The following NCALD variants were observed in gnomAD, a reference collection of about 807,000 sequenced individuals.
NCALD encodes neurocalcin-delta.
NCALD carries 10 observed loss-of-function variants against 18.6 expected under a neutral mutation model. That is an observed-to-expected ratio of 0.54 (90% CI 0.33 to 0.91). The LOEUF (loss-of-function observed/expected upper bound fraction) is 0.91, where lower values mean the gene tolerates loss of function less well. NCALD is among the 40% of genes least tolerant of loss of function. The pLI, the probability that NCALD is intolerant of heterozygous loss-of-function variation, is 0.03. For missense variants in NCALD, 184 were observed against 247.6 expected (o/e 0.74, Z 1.72); for synonymous variants, 88 against 87.4 (o/e 1.01, Z -0.04).
chr8:101,853,094 C>A (rs754762988), intron 4 of NCALD, among the ~76,000 whole-genome samples: 4 of 152,160 alleles, frequency 2.6e-5, no homozygotes, highest in Non-Finnish European at 4.4e-5. Flanking sequence ...CATTTCACTT[C>A]TCTTTGCTTC....
At chr8:101,738,024 T>C (rs569606726) in intron 1 of NCALD, among the ~76,000 whole-genome samples, 2 of 152,226 alleles carry the variant, frequency 1.3e-5, no homozygotes, top group Non-Finnish European at 2.9e-5. Context: ...TTGGTAATAA[T>C]GAAAGATCGT....
intron 1 of NCALD, among the ~76,000 whole-genome samples, chr8:102,073,384 G>A (rs610125): frequency 0.85 from 128,911 of 152,150 alleles, 55,280 homozygotes; most frequent in African/African-American, 0.97. Context: ...AATAAATCTC[G>A]TCTTTAAAAT....
intron 1 of NCALD, among the ~76,000 whole-genome samples, chr8:102,070,460 C>T (rs1171712636): frequency 6.6e-6 from 1 of 151,984 alleles, no homozygotes. Context: ...CATATCTATT[C>T]AACAGCAAAA....
At chr8:101,865,339 T>G (rs1254019503) in intron 4 of NCALD, among the ~76,000 whole-genome samples, 2 of 152,198 alleles carry the variant, frequency 1.3e-5, no homozygotes, top group Non-Finnish European at 2.9e-5. Flanking sequence ...GAGTTTGTGT[T>G]TAGGAGGACT....
chr8:102,047,710 T>G (rs1417450014), intron 1 of NCALD, among the ~76,000 whole-genome samples: 3 of 152,244 alleles, frequency 2.0e-5, no homozygotes. Context: ...AAGCCTTTTT[T>G]ATACACTTTA....
intron 1 of NCALD, among the ~76,000 whole-genome samples, chr8:101,748,996 A>T (rs998799197): frequency 6.6e-6 from 1 of 152,158 alleles, no homozygotes; most frequent in Admixed American, 6.5e-5. Context: ...GCATGTGTGC[A>T]TGCGCGGTAT....
intron 4 of NCALD, among the ~76,000 whole-genome samples, chr8:101,834,203 G>C (rs1376948763): frequency 6.6e-6 from 1 of 152,216 alleles, no homozygotes. Flanking sequence ...TGTGAAATGT[G>C]TGCAAGGTAC....
At chr8:101,828,462 C>T (rs1184073352) in intron 4 of NCALD, among the ~76,000 whole-genome samples, 2 of 152,144 alleles carry the variant, frequency 1.3e-5, no homozygotes, top group East Asian at 3.9e-4. Flanking sequence ...GCAGTTCTCA[C>T]TCTCTCACCT....
intron 1 of NCALD, among the ~76,000 whole-genome samples, chr8:101,738,585 G>A (rs1292462727): frequency 3.4e-5 from 5 of 147,486 alleles, no homozygotes; most frequent in Admixed American, 6.8e-5. Context: ...AGAAGAAGAA[G>A]AAAAAAAGAA....
rs147034083 is a variant in NCALD at position 101,997,713 on chromosome 8, G to A, written c.-157+22524C>T. On this transcript the variant is annotated intron_variant, in intron 2 of 6. Coordinates refer to the NCALD transcript ENST00000311028. ...GGTCTATTTTCAGCTCTATTTCTCT[G>A]AGCCTCGCAGCAGAAGTTCTTAAAT... Among the ~76,000 whole-genome samples the A allele has an allele frequency of 5.1e-4, 77 of 152,282 alleles. No individual in the cohort carries two copies. In the East Asian group the frequency reaches 0.013, roughly 27 times the overall value.
rs541603202 is a variant in NCALD at position 102,101,213 on chromosome 8, C to T, written c.-210+23024G>A. Among the ~76,000 whole-genome samples the T allele has an allele frequency of 2.0e-5, 3 of 152,352 alleles. No individual in the cohort carries two copies. The East Asian group carries it at 5.8e-4, about 29-fold the overall frequency. The stretch of plus-strand genomic sequence containing the variant: ...CGTCCTCTCTAAAGAGAACACGCAT[C>T]ACTCAGCTCTCCAATTGCTGTCAGG... On this transcript the variant is annotated intron_variant, in intron 1 of 6. Transcript: ENST00000311028.
chr8:102,014,971 C>T (rs1822031419), intron 2 of NCALD, among the ~76,000 whole-genome samples: 2 of 151,912 alleles, frequency 1.3e-5, no homozygotes, highest in South Asian at 4.2e-4. Context: ...TGCTGCTGGC[C>T]CCTGGACCAC....
chr8:102,080,965 G>GT (rs1211376299), intron 1 of NCALD, among the ~76,000 whole-genome samples: 1 of 152,140 alleles, frequency 6.6e-6, no homozygotes, highest in East Asian at 1.9e-4. Context: ...GTTGGTTGGG[G>GT]TTTTTTCCCC....
chr8:102,075,070 G>T (rs1465165), intron 1 of NCALD, among the ~76,000 whole-genome samples: 9,261 of 152,190 alleles, frequency 0.061, 413 homozygotes, highest in Non-Finnish European at 0.092. Flanking sequence ...ACTTTATATT[G>T]GTCAGAACTG....
intron 1 of NCALD, among the ~76,000 whole-genome samples, chr8:101,750,444 G>A (rs907852562): frequency 1.3e-5 from 2 of 152,148 alleles, no homozygotes; most frequent in Admixed American, 1.3e-4. Context: ...ATTTCCCAAG[G>A]TCTGTATATT....
intron 1 of NCALD, among the ~76,000 whole-genome samples, chr8:102,063,881 G>T (rs770746904): frequency 1.1e-4 from 16 of 152,148 alleles, no homozygotes; most frequent in Admixed American, 5.9e-4. Flanking sequence ...TCATCCTGAG[G>T]TGAGTCCCGA....
chr8:101,862,388 T>C (rs1183159921), intron 4 of NCALD, among the ~76,000 whole-genome samples: 1 of 152,194 alleles, frequency 6.6e-6, no homozygotes, highest in East Asian at 1.9e-4. Context: ...ACATTTTTTT[T>C]AGGAGCTGGT....
At chr8:102,023,876 T>C (rs1822365577) in intron 1 of NCALD, among the ~76,000 whole-genome samples, 1 of 152,174 alleles carries the variant, frequency 6.6e-6, no homozygotes, top group Non-Finnish European at 1.5e-5. Context: ...AGGATACAAA[T>C]GGGCTATTCC....
chr8:101,801,411 A>AT lies in NCALD; in HGVS notation c.-19-81764dup, dbSNP rs201221061. 5.9e-3 allele frequency among the ~76,000 whole-genome samples: 894 copies of AT among 150,892 alleles called. 10 individuals carry two copies. Among genetic ancestry groups the AT allele is most frequent in the African/African-American group, 0.019 (778 of 41,178 alleles). ...TGACCTCAAAAATTGCAAAATACAC[A>AT]TTTTTTTTTCAAATGTATTCACCAA... is the stretch of plus-strand genomic sequence containing the variant. On this transcript the variant is annotated intron_variant, in intron 4 of 6. Transcript: ENST00000311028.
Sources: allele counts gnomAD v4.1 joint callset (sites outside exome capture counted in the v4.1 genomes callset), GRCh38; gene constraint gnomAD v4.1.1; transcripts MANE v1.5; gene names NCBI Gene and HGNC (gene_info 2026-07-23, HGNC 2026-07-21).